The following ST7L variants were observed in gnomAD, a reference collection of about 807,000 sequenced individuals.
ST7L encodes the protein suppressor of tumorigenicity 7 protein-like.
Under a neutral mutation model 72.5 loss-of-function variants are expected in ST7L, and 57 were observed. The ratio of observed to expected loss-of-function variants is 0.79; its 90% CI spans 0.64 to 0.98. The LOEUF (loss-of-function observed/expected upper bound fraction) is 0.98, where lower values mean the gene tolerates loss of function less well. ST7L is among the 50% of genes least tolerant of loss of function. The pLI is 0.00. For missense variants in ST7L, 576 were observed against 672.2 expected, an observed-to-expected ratio of 0.86 and a Z score of 1.58; for synonymous variants, 221 against 240.9, an observed-to-expected ratio of 0.92 and a Z score of 0.77.
chr1:112,520,040 T>C (rs1652779035), downstream of ST7L, among the ~76,000 whole-genome samples: 1 of 150,596 alleles, frequency 6.6e-6, no homozygotes, highest in Admixed American at 6.7e-5. Flanking sequence ...ACCTGGCTAA[T>C]TTTTTAAGTT....
At chr1:112,599,418 C>T (rs1204085884) in intron 4 of ST7L, among the ~76,000 whole-genome samples, 5 of 152,030 alleles carry the variant, frequency 3.3e-5, no homozygotes, top group African/African-American at 1.2e-4. Flanking sequence ...GTACATGGTA[C>T]AAACATAATG....
At chr1:112,595,370 GAAAAAAAAAAAAAAAAAA>G (rs67553307) in intron 5 of ST7L, among the ~76,000 whole-genome samples, 8 of 52,000 alleles carry the variant, frequency 1.5e-4, no homozygotes, top group Non-Finnish European at 2.9e-4. Flanking sequence ...GGTCTCAAAA[GAAAAAAAAAAAAAAAAAA>G]AAAAAAAAAG....
intron 13 of ST7L, among the ~76,000 whole-genome samples, chr1:112,549,682 T>C (rs1657777188): frequency 6.6e-6 from 1 of 152,170 alleles, no homozygotes; most frequent in South Asian, 2.1e-4. Context: ...TCTAAGAGTA[T>C]TTTTATGGAT....
intron 4 of ST7L, among the ~76,000 whole-genome samples, chr1:112,599,709 C>T (rs1667105566): frequency 6.6e-6 from 1 of 152,144 alleles, no homozygotes; most frequent in Admixed American, 6.6e-5. Context: ...CAGGAATATG[C>T]TGACACTGGT....
intron 14 of ST7L, chr1:112,528,504 G>C (rs1398720235): frequency 1.3e-5 from 2 of 152,094 alleles, no homozygotes; most frequent in African/African-American, 2.4e-5. Context: ...GACTAACAGA[G>C]ATCTACACTG....
chr1:112,519,472 G>A (rs1281091846), downstream of ST7L, among the ~76,000 whole-genome samples: 1 of 152,002 alleles, frequency 6.6e-6, no homozygotes, highest in Non-Finnish European at 1.5e-5. Flanking sequence ...GCTCTCATGG[G>A]CCCAACTCAT....
At chr1:112,574,460 C>T (rs867287178) in intron 11 of ST7L, among the ~76,000 whole-genome samples, 3 of 151,658 alleles carry the variant, frequency 2.0e-5, no homozygotes, top group African/African-American at 7.3e-5. Flanking sequence ...GAGATCGAGA[C>T]CATCCTGGCT....
chr1:112,591,065 G>C (rs1571205055), intron 6 of ST7L, among the ~76,000 whole-genome samples: 1 of 151,756 alleles, frequency 6.6e-6, no homozygotes, highest in Non-Finnish European at 1.5e-5. Flanking sequence ...TGAGTAGCTG[G>C]GACTACAGGC....
intron 5 of ST7L, 55 bp downstream of exon 5, chr1:112,597,915 CT>C: frequency 2.2e-6 from 3 of 1,355,802 alleles, no homozygotes; most frequent in African/African-American, 1.5e-5. Context: ...CTCTAAAGAA[CT>C]TTTAAGATGA....
chr1:112,561,161 G>A (rs748704543), intron 11 of ST7L, among the ~76,000 whole-genome samples: 3 of 151,696 alleles, frequency 2.0e-5, no homozygotes, highest in Non-Finnish European at 4.4e-5. Flanking sequence ...AAAACTGACC[G>A]ATGATTTTTT....
rs551108431 is a variant in ST7L, at chr1:112,560,912, G to A, written c.1246-4894C>T. ...CGGGAGGCAGGGGTTGCAGTAAGCCGAGATCGTGCCATTGCACTCCAGCCT... is the reference window on the plus strand; with the variant it reads ...CGGGAGGCAGGGGTTGCAGTAAGCCAAGATCGTGCCATTGCACTCCAGCCT... On this transcript the variant is annotated intron_variant, in intron 11 of 14. Transcript: ENST00000358039. Among the ~76,000 whole-genome samples the A allele has an allele frequency of 4.8e-3, 728 of 150,390 alleles. 5 individuals carry two copies. The highest frequency in any genetic ancestry group is 8.8e-3 in the Non-Finnish European group (599 of 67,798).
At chr1:112,618,837 T>C in intron 1 of ST7L, 72 bp downstream of exon 1, 1 of 1,526,584 alleles carries the variant, frequency 6.6e-7, no homozygotes, top group Non-Finnish European at 8.8e-7. Context: ...CGAGAATCTC[T>C]TGCCCTTTGG....
intron 11 of ST7L, among the ~76,000 whole-genome samples, chr1:112,565,420 TC>T (rs1171156575): frequency 6.6e-6 from 1 of 152,038 alleles, no homozygotes; most frequent in African/African-American, 2.4e-5. Context: ...AAATATGTAC[TC>T]CAGTTATAAG....
Position 112,550,714 on chromosome 1 carries a change from G to A in ST7L, c.1397-21C>T, listed in dbSNP as rs771347283. On this transcript the variant is annotated intron_variant, in intron 12 of 14. Transcript: ENST00000358039. Reference sequence around the variant, plus strand: ...AAAAGCTGAGGAAAAAAAAGCATGTGTTGATACTCAATTCTGTCTCATTTA... The same window carrying A: ...AAAAGCTGAGGAAAAAAAAGCATGTATTGATACTCAATTCTGTCTCATTTA... The A allele has an allele frequency of 3.2e-6, 5 of 1,572,500 alleles. No individual in the cohort carries two copies. In the South Asian group the frequency reaches 4.5e-5, roughly 14 times the overall value.
upstream of ST7L, chr1:112,619,412 C>A (rs1329625617): frequency 3.7e-6 from 2 of 543,458 alleles, no homozygotes; most frequent in Non-Finnish European, 3.2e-6. Context: ...ACACCGCCCC[C>A]CCCCCGGGGT....
At chr1:112,603,528 G>A (rs1314381014) in intron 3 of ST7L, among the ~76,000 whole-genome samples, 2 of 152,162 alleles carry the variant, frequency 1.3e-5, no homozygotes, top group East Asian at 3.8e-4. Context: ...TGTGATGCCA[G>A]GTTTTCTTCA....
At chr1:112,568,861 A>AATATAAATATAAATATAT (rs61349207) in intron 11 of ST7L, among the ~76,000 whole-genome samples, 1 of 114,918 alleles carries the variant, frequency 8.7e-6, no homozygotes, top group Admixed American at 1.1e-4. Flanking sequence ...TATAAATATA[A>AATATAAATATAAATATAT]ATATATATAT....
chr1:112,604,604 A>G (rs1667913521), intron 3 of ST7L, among the ~76,000 whole-genome samples: 1 of 152,006 alleles, frequency 6.6e-6, no homozygotes, highest in Admixed American at 6.6e-5. Flanking sequence ...TACCAAGTCC[A>G]AAACCTAGCA....
intron 14 of ST7L, chr1:112,526,482 G>A (rs539208707): frequency 2.8e-4 from 46 of 165,936 alleles, no homozygotes; most frequent in Admixed American, 1.1e-3. Flanking sequence ...GCTCATGCCT[G>A]TAATCCCAGC....
Sources: allele counts gnomAD v4.1 joint callset (sites outside exome capture counted in the v4.1 genomes callset), GRCh38; gene constraint gnomAD v4.1.1; transcripts MANE v1.5; gene names NCBI Gene and HGNC (gene_info 2026-07-23, HGNC 2026-07-21).